The following GABRB1 variants were observed in gnomAD, a reference collection of about 807,000 sequenced individuals.
GABRB1 encodes gamma-aminobutyric acid receptor subunit beta-1.
Under a neutral mutation model 51.6 loss-of-function variants are expected in GABRB1, and 17 were observed. The observed-to-expected ratio is 0.33, with a 90% CI of 0.23 to 0.49. The LOEUF is 0.49. GABRB1 is among the 20% of genes least tolerant of loss of function. The probability of loss-of-function intolerance (pLI) is 0.99; values close to 1 mark genes in which losing one functional copy is unlikely to be tolerated. For missense variants in GABRB1, 410 were observed against 600.6 expected (o/e 0.68, Z 3.32); for synonymous variants, 247 against 218.9 (o/e 1.13, Z -1.14).
At chr4:47,376,839 C>A (rs953125519) in intron 5 of GABRB1, among the ~76,000 whole-genome samples, 2 of 152,126 alleles carry the variant, frequency 1.3e-5, no homozygotes, top group Non-Finnish European at 2.9e-5. Context: ...TTTATTCAAC[C>A]AATATTTATT....
chr4:47,260,706 T>C (rs1368784681), intron 4 of GABRB1, among the ~76,000 whole-genome samples: 2 of 152,128 alleles, frequency 1.3e-5, no homozygotes, highest in East Asian at 3.9e-4. Context: ...GCTGTTAGTC[T>C]GATGGGCTTC....
At chr4:47,086,661 A>G (rs114644584) in intron 3 of GABRB1, among the ~76,000 whole-genome samples, 2,680 of 152,306 alleles carry the variant, frequency 0.018, 37 homozygotes, top group Middle Eastern at 0.031. Context: ...TTATGGAAGG[A>G]ATAAAAATGC....
chr4:47,157,704 G>A (rs1717764551), intron 3 of GABRB1, among the ~76,000 whole-genome samples: 1 of 152,060 alleles, frequency 6.6e-6, no homozygotes, highest in Non-Finnish European at 1.5e-5. Flanking sequence ...AGAAAAAGGA[G>A]AAATTGGTGT....
At chr4:47,287,882 T>C (rs1723569910) in intron 4 of GABRB1, among the ~76,000 whole-genome samples, 1 of 152,176 alleles carries the variant, frequency 6.6e-6, no homozygotes, top group Non-Finnish European at 1.5e-5. Flanking sequence ...CTCAACAGCA[T>C]GTGAGGAACT....
At chr4:47,351,781 T>G (rs965862836) in intron 5 of GABRB1, among the ~76,000 whole-genome samples, 7 of 152,050 alleles carry the variant, frequency 4.6e-5, no homozygotes, top group Admixed American at 3.9e-4. Context: ...GGTGTATATG[T>G]GCCACATTTT....
chr4:47,115,977 T>G (rs931578794), intron 3 of GABRB1, among the ~76,000 whole-genome samples: 1 of 152,192 alleles, frequency 6.6e-6, no homozygotes, highest in Non-Finnish European at 1.5e-5. Flanking sequence ...CTATATCATC[T>G]TCGCCAAGGA....
chr4:47,250,599 T>C (rs1578034705), intron 4 of GABRB1, among the ~76,000 whole-genome samples: 1 of 152,250 alleles, frequency 6.6e-6, no homozygotes, highest in East Asian at 1.9e-4. Flanking sequence ...TAGTGTTAGG[T>C]TTGGTCATTT....
intron 3 of GABRB1, among the ~76,000 whole-genome samples, chr4:47,153,336 T>C (rs1194921322): frequency 6.6e-6 from 1 of 152,062 alleles, no homozygotes; most frequent in Non-Finnish European, 1.5e-5. Context: ...AACATTTAAC[T>C]ATATCTTACC....
At chr4:47,348,685 T>G (rs1475305077) in intron 5 of GABRB1, among the ~76,000 whole-genome samples, 1 of 152,208 alleles carries the variant, frequency 6.6e-6, no homozygotes, top group Admixed American at 6.5e-5. Context: ...AGTTTTGTCT[T>G]TATCCTAGAA....
intron 5 of GABRB1, among the ~76,000 whole-genome samples, chr4:47,332,591 C>T (rs1725525787): frequency 6.6e-6 from 1 of 152,140 alleles, no homozygotes. Flanking sequence ...ACTATTGATA[C>T]TATGCCCCAC....
chr4:47,206,861 T>C (rs1427075096), intron 4 of GABRB1, among the ~76,000 whole-genome samples: 2 of 151,494 alleles, frequency 1.3e-5, no homozygotes, highest in African/African-American at 4.8e-5. Context: ...TATATATGTA[T>C]ATATATGTGT....
chr4:47,418,974 T>C (rs569739713), intron 8 of GABRB1, among the ~76,000 whole-genome samples: 1 of 152,342 alleles, frequency 6.6e-6, no homozygotes, highest in Admixed American at 6.5e-5. Flanking sequence ...AAGAAAAATA[T>C]GCACAAAATC....
chr4:47,231,998 G>C (rs1721160060), intron 4 of GABRB1, among the ~76,000 whole-genome samples: 1 of 152,116 alleles, frequency 6.6e-6, no homozygotes, highest in Non-Finnish European at 1.5e-5. Flanking sequence ...TGCCCATGAA[G>C]TAGTAGGTAT....
chr4:47,348,936 T>A (rs13104400), intron 5 of GABRB1, among the ~76,000 whole-genome samples: 55,351 of 151,970 alleles, frequency 0.36, 10,359 homozygotes, highest in South Asian at 0.46. Context: ...TGAGACTTGG[T>A]AAAGTATACA....
At chr4:47,097,228 A>G (rs544397235) in intron 3 of GABRB1, among the ~76,000 whole-genome samples, 1 of 152,238 alleles carries the variant, frequency 6.6e-6, no homozygotes, top group East Asian at 1.9e-4. Context: ...TTTTTTTCAG[A>G]CATTATCTCC....
chr4:47,397,999 C>T (rs897585927), intron 5 of GABRB1, among the ~76,000 whole-genome samples: 2 of 152,114 alleles, frequency 1.3e-5, no homozygotes, highest in African/African-American at 4.8e-5. Flanking sequence ...GTGAAACTTA[C>T]GATGTTGAGT....
intron 5 of GABRB1, among the ~76,000 whole-genome samples, chr4:47,325,248 A>C (rs1285493757): frequency 1.3e-4 from 20 of 152,176 alleles, no homozygotes; most frequent in Admixed American, 1.2e-3. Flanking sequence ...CAGCCTGGCC[A>C]ACATGGTGAA....
intron 5 of GABRB1, among the ~76,000 whole-genome samples, chr4:47,375,838 G>A (rs1727356374): frequency 6.6e-6 from 1 of 152,188 alleles, no homozygotes; most frequent in African/African-American, 2.4e-5. Context: ...AGTATGTGCA[G>A]AAGAAAGAAT....
chr4:47,337,800 ACT>A (rs1277059624), intron 5 of GABRB1, among the ~76,000 whole-genome samples: 40 of 124,260 alleles, frequency 3.2e-4, no homozygotes, highest in South Asian at 1.2e-3. Flanking sequence ...ACAGAGCCAG[ACT>A]CTGTCTAAAA....
Sources: gnomAD v4.1 joint callset for allele counts (sites outside exome capture counted in the v4.1 genomes callset) on GRCh38, gnomAD v4.1.1 for gene constraint, MANE v1.5 for transcripts, NCBI Gene and HGNC (gene_info 2026-07-23, HGNC 2026-07-21) for gene names.